Variants in PLEKHA2 observed in about 807,000 individuals in gnomAD.
PLEKHA2 encodes the protein pleckstrin homology domain containing A2.
PLEKHA2 carries 28 observed loss-of-function variants against 53.2 expected under a neutral mutation model. The observed-to-expected ratio is 0.53, with a 90% CI of 0.39 to 0.72. The LOEUF (loss-of-function observed/expected upper bound fraction) is 0.72, where lower values mean the gene tolerates loss of function less well. Among genes scored for constraint, PLEKHA2 ranks in the 30% least tolerant of loss-of-function variants. The pLI is 0.00. For missense variants in PLEKHA2, 426 were observed against 537.9 expected, an observed-to-expected ratio of 0.79 and a Z score of 2.06; for synonymous variants, 193 against 196.4, an observed-to-expected ratio of 0.98 and a Z score of 0.14.
chr8:38,951,043 G>A, intron 6 of PLEKHA2, 53 bp downstream of exon 6: 1 of 1,567,328 alleles, frequency 6.4e-7, no homozygotes, highest in East Asian at 2.3e-5. Flanking sequence ...AAGTGTCCAT[G>A]GTGTGCCCAT....
At chr8:38,955,327 T>C (rs1469372669) in intron 9 of PLEKHA2, among the ~76,000 whole-genome samples, 2 of 152,204 alleles carry the variant, frequency 1.3e-5, no homozygotes, top group Non-Finnish European at 2.9e-5. Flanking sequence ...TGAGTAGAAT[T>C]TGAAAGGCTA....
At chr8:38,908,151 A>T (rs1023283091) in intron 1 of PLEKHA2, among the ~76,000 whole-genome samples, 2 of 152,188 alleles carry the variant, frequency 1.3e-5, no homozygotes, top group Admixed American at 6.5e-5. Context: ...GTAGGAATAG[A>T]GGAATAGCAG....
At chr8:38,926,209 G>A (rs1250679382) in intron 2 of PLEKHA2, among the ~76,000 whole-genome samples, 1 of 152,044 alleles carries the variant, frequency 6.6e-6, no homozygotes, top group Non-Finnish European at 1.5e-5. Flanking sequence ...ATGTAGACTT[G>A]TGATTTCCAG....
chr8:38,946,505 G>A (rs1264163791), intron 5 of PLEKHA2, among the ~76,000 whole-genome samples: 3 of 152,352 alleles, frequency 2.0e-5, no homozygotes, highest in Non-Finnish European at 4.4e-5. Context: ...CTGGGATGCT[G>A]ATTCAGAATG....
intron 6 of PLEKHA2, 93 bp downstream of exon 6, chr8:38,951,083 A>C: frequency 2.4e-6 from 1 of 412,382 alleles, no homozygotes. Flanking sequence ...ACTGGGGAAA[A>C]GGAGGGTGGG....
chr8:38,902,346 C>T (rs1833803312), intron 1 of PLEKHA2, among the ~76,000 whole-genome samples: 1 of 152,160 alleles, frequency 6.6e-6, no homozygotes, highest in Non-Finnish European at 1.5e-5. Flanking sequence ...AGCCCTGCCC[C>T]CAGGCCCTAG....
intron 10 of PLEKHA2, among the ~76,000 whole-genome samples, chr8:38,967,487 C>A (rs1185347377): frequency 6.6e-6 from 1 of 152,034 alleles, no homozygotes; most frequent in Non-Finnish European, 1.5e-5. Context: ...ATAAGCAGTC[C>A]CTTTTCCCCA....
chr8:38,922,713 T>C lies in PLEKHA2; in HGVS notation c.141+4643T>C, dbSNP rs1472957605. ...AGCCTGAATCTGTTACTGCTGCTGCTACTGCTGTTATTACTAACTGCAGCT... is the reference window on the plus strand; with the variant it reads ...AGCCTGAATCTGTTACTGCTGCTGCCACTGCTGTTATTACTAACTGCAGCT... On this transcript the variant is annotated intron_variant, in intron 2 of 11. Transcript: ENST00000617275. The surrounding 1 kb of genome is among the most constrained non-coding windows in gnomAD (Gnocchi z 4.0). Among the ~76,000 whole-genome samples the C allele has an allele frequency of 2.6e-5, 4 of 152,230 alleles. No individual in the cohort carries two copies. Among genetic ancestry groups the C allele is most frequent in the Non-Finnish European group, 4.4e-5 (3 of 68,034 alleles).
chr8:38,909,991 C>G (rs896375722), intron 1 of PLEKHA2, among the ~76,000 whole-genome samples: 3 of 144,056 alleles, frequency 2.1e-5, no homozygotes, highest in Non-Finnish European at 4.5e-5. Context: ...GAGTCTCACT[C>G]TGTCACCCAG....
chr8:38,959,934 A>G (rs560108985), intron 10 of PLEKHA2, among the ~76,000 whole-genome samples: 1 of 152,310 alleles, frequency 6.6e-6, no homozygotes, highest in East Asian at 1.9e-4. Flanking sequence ...ACATCCAAGG[A>G]GATGTGCTAT....
intron 10 of PLEKHA2, among the ~76,000 whole-genome samples, chr8:38,963,100 A>G (rs1316798855): frequency 6.6e-6 from 1 of 152,254 alleles, no homozygotes; most frequent in African/African-American, 2.4e-5. Flanking sequence ...AAACCATTGT[A>G]TCTATTATAG....
At chr8:38,936,632 G>T (rs1157335588) in intron 3 of PLEKHA2, among the ~76,000 whole-genome samples, 1 of 152,260 alleles carries the variant, frequency 6.6e-6, no homozygotes, top group African/African-American at 2.4e-5. Flanking sequence ...CGTCCCATTT[G>T]TACAGAAGGG....
At chr8:38,969,026 G>A (rs567925661) in intron 11 of PLEKHA2, 98 of 313,764 alleles carry the variant, frequency 3.1e-4, no homozygotes, top group African/African-American at 2.1e-3. Context: ...AGCCTCCCAA[G>A]TAGCTGGGAT....
chr8:38,953,840 G>T (rs140282425), intron 9 of PLEKHA2, among the ~76,000 whole-genome samples: 1 of 152,090 alleles, frequency 6.6e-6, no homozygotes, highest in Non-Finnish European at 1.5e-5. Flanking sequence ...TTAACACAAG[G>T]TGATTCATAG....
chr8:38,970,916 T>G lies in PLEKHA2; in HGVS notation c.*1133T>G, dbSNP rs1241751001. ...GAATTCTTCCATCCAGTTTATATGGTGAATTGCCACCAGCGTTCCCTAAAG... is the reference window on the plus strand; with the variant it reads ...GAATTCTTCCATCCAGTTTATATGGGGAATTGCCACCAGCGTTCCCTAAAG... On this transcript the variant is annotated 3_prime_UTR_variant, in exon 12 of 12. Coordinates refer to ENST00000617275, the MANE Select transcript of PLEKHA2 (RefSeq NM_021623.2). 2 of 152,236 alleles carry G rather than the reference T, an allele frequency of 1.3e-5. No individual in the cohort carries two copies. Among genetic ancestry groups the G allele is most frequent in the East Asian group, 3.8e-4 (2 of 5,204 alleles). The allele number at this position is 152,236 out of a possible 1,614,324, so 9.4% of individuals were successfully genotyped here. A position where few individuals can be genotyped will look rare whatever the true frequency, so the allele number is the denominator to read the frequency against.
intron 1 of PLEKHA2, among the ~76,000 whole-genome samples, chr8:38,915,057 C>T (rs1254166975): frequency 2.0e-5 from 3 of 152,164 alleles, no homozygotes; most frequent in African/African-American, 4.8e-5. Context: ...AGCGATTCTC[C>T]TACCTCAGCC....
chr8:38,964,910 T>C (rs1265140868), intron 10 of PLEKHA2, among the ~76,000 whole-genome samples: 1 of 138,864 alleles, frequency 7.2e-6, no homozygotes, highest in African/African-American at 2.6e-5. Flanking sequence ...GAGGTCTTGC[T>C]CTGTTGCCCA....
intron 5 of PLEKHA2, among the ~76,000 whole-genome samples, chr8:38,949,975 T>G (rs1324004586): frequency 6.6e-6 from 1 of 152,204 alleles, no homozygotes; most frequent in Admixed American, 6.5e-5. Flanking sequence ...CATGCATGCA[T>G]TTTTACCTGT....
At chr8:38,965,618 C>CT (rs1387300943) in intron 10 of PLEKHA2, among the ~76,000 whole-genome samples, 3 of 151,796 alleles carry the variant, frequency 2.0e-5, no homozygotes, top group Admixed American at 6.6e-5. Context: ...TCAAAATAAC[C>CT]TTTTTTTTAA....
Sources: allele counts gnomAD v4.1 joint callset (sites outside exome capture counted in the v4.1 genomes callset), GRCh38; gene constraint gnomAD v4.1.1; non-coding constraint Gnocchi (gnomAD v3.1); transcripts MANE v1.5; gene names NCBI Gene and HGNC (gene_info 2026-07-23, HGNC 2026-07-21).